The following USP13 variants were observed in gnomAD, a reference collection of about 807,000 sequenced individuals.
USP13 encodes ubiquitin carboxyl-terminal hydrolase 13.
Under a neutral mutation model 107.8 loss-of-function variants are expected in USP13, and 68 were observed. That is an observed-to-expected ratio of 0.63 (90% CI 0.52 to 0.77). The LOEUF is 0.77. Among genes scored for constraint, USP13 ranks in the 30% least tolerant of loss-of-function variants. USP13 has a pLI of 0.00. For synonymous variants in USP13, 377 were observed against 389.5 expected (o/e 0.97, Z 0.38); for missense variants, 945 against 1,093.3 (o/e 0.86, Z 1.91).
Position 179,788,400 on chromosome 3 carries a change from G to A in USP13, c.*4259G>A, listed in dbSNP as rs1241926913. The A allele has an allele frequency of 2.0e-5, 3 of 152,148 alleles. No individual in the cohort carries two copies. The highest frequency in any genetic ancestry group is 2.1e-4 in the South Asian group (1 of 4,818). The allele number at this position is 152,148 out of a possible 1,614,324, so 9.4% of individuals were successfully genotyped here. ...CTCTAAAAGAGTTTGCATAAGACTC[G>A]GTAGACCTGTGCTATTCAATGTGGC... On this transcript the variant is annotated 3_prime_UTR_variant, in exon 21 of 21. Transcript: ENST00000263966.
intron 20 of USP13, among the ~76,000 whole-genome samples, chr3:179,782,325 C>A (rs1715777199): frequency 6.6e-6 from 1 of 152,174 alleles, no homozygotes; most frequent in Admixed American, 6.6e-5. Flanking sequence ...TCAGATGTAA[C>A]TGGGTAACCT....
At chr3:179,662,338 T>C (rs745679756) in intron 1 of USP13, among the ~76,000 whole-genome samples, 1 of 152,108 alleles carries the variant, frequency 6.6e-6, no homozygotes, top group Admixed American at 6.6e-5. Context: ...TAGAAAACCT[T>C]TCTCTTTATT....
At position 179,689,154 on chromosome 3, in the gene USP13, C is replaced by T. The variant is rs186877463; in HGVS notation, c.295-1087C>T. Among the ~76,000 whole-genome samples the T allele has an allele frequency of 1.9e-3, 289 of 152,230 alleles. 3 individuals carry two copies. The highest frequency in any genetic ancestry group is 6.6e-3 in the African/African-American group (275 of 41,526). On this transcript the variant is annotated intron_variant, in intron 2 of 20. Transcript: ENST00000263966. Reference sequence around the variant, plus strand: ...ACACCTGTGGCTGCTTGGAATGATGCGGCGTTAAACCCACACATGGTGGTC... The same window carrying T: ...ACACCTGTGGCTGCTTGGAATGATGTGGCGTTAAACCCACACATGGTGGTC...
chr3:179,700,567 T>C (rs564432975), intron 3 of USP13, among the ~76,000 whole-genome samples: 7 of 152,044 alleles, frequency 4.6e-5, no homozygotes, highest in Non-Finnish European at 1.0e-4. Flanking sequence ...CATACTTCCA[T>C]ATTATGATGT....
intron 6 of USP13, among the ~76,000 whole-genome samples, chr3:179,718,815 G>A (rs936707661): frequency 6.6e-6 from 1 of 151,618 alleles, no homozygotes; most frequent in Non-Finnish European, 1.5e-5. Flanking sequence ...CCAGGCCAGT[G>A]GCACGATCTT....
At chr3:179,658,639 A>G (rs1293483606) in intron 1 of USP13, among the ~76,000 whole-genome samples, 1 of 152,218 alleles carries the variant, frequency 6.6e-6, no homozygotes, top group African/African-American at 2.4e-5. Flanking sequence ...TGGCTTCCAC[A>G]GTGGGCAGCT....
Position 179,786,848 on chromosome 3 carries a change from G to A in USP13, c.*2707G>A, listed in dbSNP as rs561518846. ...TGTGAAATTCTCCCTGTATATGGGT[G>A]TCTGTGTGAAAGACAGCACTTTCTT... On this transcript the variant is annotated 3_prime_UTR_variant, in exon 21 of 21. Transcript: ENST00000263966. 6.6e-6 allele frequency: 1 copy of A among 152,320 alleles called. No individual in the cohort carries two copies. Among genetic ancestry groups the A allele is most frequent in the African/African-American group, 2.4e-5 (1 of 41,574 alleles). 9.4% of individuals were successfully genotyped at this position (152,320 alleles called of 1,614,324 possible).
intron 17 of USP13, 23 bp from the exon 18 acceptor site, chr3:179,763,979 T>A: frequency 6.4e-7 from 1 of 1,573,746 alleles, no homozygotes. Context: ...AGGAAAAGAC[T>A]TGGGTGTGGT....
At chr3:179,705,095 G>A (rs955519342) in intron 4 of USP13, among the ~76,000 whole-genome samples, 7 of 152,080 alleles carry the variant, frequency 4.6e-5, no homozygotes, top group African/African-American at 1.7e-4. Context: ...TGGACATGAG[G>A]CCCATCGCAG....
intron 4 of USP13, among the ~76,000 whole-genome samples, chr3:179,704,305 G>A (rs1026584711): frequency 3.9e-5 from 6 of 152,096 alleles, no homozygotes; most frequent in Admixed American, 3.3e-4. Flanking sequence ...AAACCAGAAC[G>A]TTTAGAAAAG....
At chr3:179,759,024 C>T (rs1056887360) in intron 16 of USP13, among the ~76,000 whole-genome samples, 4 of 151,986 alleles carry the variant, frequency 2.6e-5, no homozygotes, top group Non-Finnish European at 5.9e-5. Flanking sequence ...CTCTGTCACC[C>T]AGGCTGGAGT....
At chr3:179,719,542 C>T (rs751165168) in intron 6 of USP13, among the ~76,000 whole-genome samples, 19 of 152,150 alleles carry the variant, frequency 1.2e-4, no homozygotes, top group Non-Finnish European at 2.2e-4. Flanking sequence ...TCCCCCCTGC[C>T]GTGGCGGATG....
chr3:179,680,868 AC>A (rs1239393819), intron 1 of USP13, among the ~76,000 whole-genome samples: 1 of 100,062 alleles, frequency 1.0e-5, no homozygotes, highest in Non-Finnish European at 2.2e-5. Flanking sequence ...ATTCATGAAT[AC>A]TGTCAAATAT....
intron 3 of USP13, among the ~76,000 whole-genome samples, chr3:179,694,488 C>G (rs1212066914): frequency 6.6e-6 from 1 of 151,892 alleles, no homozygotes; most frequent in Admixed American, 6.6e-5. Flanking sequence ...CCATCACATC[C>G]TGATTCTGGA....
intron 5 of USP13, 138 bp downstream of exon 5, chr3:179,707,214 T>C: frequency 8.5e-7 from 1 of 1,174,352 alleles, no homozygotes; most frequent in East Asian, 2.6e-5. Context: ...ATAAAACTTC[T>C]CTAAAATTGT....
chr3:179,668,514 C>T (rs770549015), intron 1 of USP13, among the ~76,000 whole-genome samples: 46 of 152,076 alleles, frequency 3.0e-4, no homozygotes, highest in Admixed American at 1.4e-3. Context: ...TACTGGTGAC[C>T]TGTTTGGTTA....
At chr3:179,663,069 A>G (rs970712986) in intron 1 of USP13, among the ~76,000 whole-genome samples, 4 of 152,228 alleles carry the variant, frequency 2.6e-5, no homozygotes, top group Non-Finnish European at 5.9e-5. Flanking sequence ...TTTTGCAGTT[A>G]TCACCACTGT....
intron 13 of USP13, among the ~76,000 whole-genome samples, chr3:179,746,962 CAATT>C (rs1714434106): frequency 6.6e-6 from 1 of 152,126 alleles, no homozygotes; most frequent in Admixed American, 6.5e-5. Context: ...AAAGCAAAAA[CAATT>C]TATTTCAAAA....
At chr3:179,688,484 C>T (rs1711976092) in intron 2 of USP13, among the ~76,000 whole-genome samples, 1 of 152,176 alleles carries the variant, frequency 6.6e-6, no homozygotes, top group African/African-American at 2.4e-5. Flanking sequence ...GTCTGAGCTC[C>T]AGCATAGAAT....
Sources: allele counts gnomAD v4.1 joint callset (sites outside exome capture counted in the v4.1 genomes callset), GRCh38; gene constraint gnomAD v4.1.1; transcripts MANE v1.5; gene names NCBI Gene and HGNC (gene_info 2026-07-23, HGNC 2026-07-21).